MACROD2: variants seen among roughly 807,000 people sequenced by gnomAD.
The protein encoded by MACROD2 is mono-ADP ribosylhydrolase 2.
MACROD2 carries 36 observed loss-of-function variants against 70.4 expected under a neutral mutation model. The observed-to-expected ratio is 0.51, with a 90% CI of 0.39 to 0.68. MACROD2 has a LOEUF of 0.68. Among genes scored for constraint, MACROD2 ranks in the 30% least tolerant of loss-of-function variants. MACROD2 has a pLI of 0.00. For synonymous variants in MACROD2, 172 were observed against 178.8 expected (o/e 0.96, Z 0.30); for missense variants, 496 against 538.4 (o/e 0.92, Z 0.78).
chr20:14,924,924 T>C (rs2074211020), intron 5 of MACROD2, among the ~76,000 whole-genome samples: 3 of 152,152 alleles, frequency 2.0e-5, no homozygotes, highest in Admixed American at 2.0e-4. Flanking sequence ...ACCCTCAGTA[T>C]GTTTTTATTC....
intron 8 of MACROD2, among the ~76,000 whole-genome samples, chr20:15,714,705 T>G (rs2050681595): frequency 6.6e-6 from 1 of 152,178 alleles, no homozygotes; most frequent in South Asian, 2.1e-4. Flanking sequence ...CCATATACTT[T>G]TTAAAAATTT....
At chr20:15,306,500 T>G (rs1283948026) in intron 6 of MACROD2, among the ~76,000 whole-genome samples, 2 of 152,158 alleles carry the variant, frequency 1.3e-5, no homozygotes, top group Non-Finnish European at 2.9e-5. Flanking sequence ...GCCCAAAGTA[T>G]CATAGGTGTT....
intron 7 of MACROD2, among the ~76,000 whole-genome samples, chr20:15,498,341 C>T (rs1290987168): frequency 1.3e-5 from 2 of 152,130 alleles, no homozygotes; most frequent in Non-Finnish European, 2.9e-5. Context: ...ACATATTTGC[C>T]CTCCAATAAA....
chr20:14,121,455 CT>C (rs1282524667), intron 3 of MACROD2, among the ~76,000 whole-genome samples: 4 of 152,248 alleles, frequency 2.6e-5, no homozygotes, highest in African/African-American at 9.6e-5. Flanking sequence ...TTGACATGTA[CT>C]TCATGATATT....
At chr20:15,471,516 A>G (rs757307749) in intron 7 of MACROD2, among the ~76,000 whole-genome samples, 12 of 152,312 alleles carry the variant, frequency 7.9e-5, no homozygotes, top group Middle Eastern at 3.4e-3. Context: ...CTCAAAAAAA[A>G]CTTTATGTTT....
intron 7 of MACROD2, among the ~76,000 whole-genome samples, chr20:15,431,892 T>TA (rs2046367962): frequency 6.6e-6 from 1 of 151,932 alleles, no homozygotes; most frequent in South Asian, 2.1e-4. Context: ...TGACTTTTAC[T>TA]AAATATGAAG....
At chr20:15,529,199 C>T (rs960497018) in intron 8 of MACROD2, among the ~76,000 whole-genome samples, 5 of 152,032 alleles carry the variant, frequency 3.3e-5, no homozygotes, top group Admixed American at 6.6e-5. Flanking sequence ...TTCTTGTTCT[C>T]AGTTTGAGAG....
chr20:14,873,973 G>A (rs2073519584), intron 5 of MACROD2, among the ~76,000 whole-genome samples: 1 of 152,086 alleles, frequency 6.6e-6, no homozygotes, highest in Admixed American at 6.6e-5. Context: ...TTAATTTTGT[G>A]TTCAATTGAG....
intron 8 of MACROD2, among the ~76,000 whole-genome samples, chr20:15,756,564 T>G (rs1304181139): frequency 6.6e-6 from 1 of 152,100 alleles, no homozygotes; most frequent in Non-Finnish European, 1.5e-5. Flanking sequence ...GAAGATTGGT[T>G]AGTAAGAGAA....
intron 5 of MACROD2, among the ~76,000 whole-genome samples, chr20:14,735,036 GA>G (rs1179585000): frequency 2.0e-5 from 3 of 151,410 alleles, no homozygotes; most frequent in South Asian, 2.1e-4. Flanking sequence ...AAAACCCTTA[GA>G]AAAAAAATAG....
intron 3 of MACROD2, 58 bp from the exon 4 acceptor site, chr20:14,493,421 A>C: frequency 7.2e-7 from 1 of 1,394,348 alleles, no homozygotes; most frequent in Non-Finnish European, 1.0e-6. Context: ...TTACTCTGAT[A>C]TACTATATTT....
In MACROD2 at chr20:14,623,022, C is replaced by T. The variant is rs552550479; in HGVS notation, c.302-61821C>T. On this transcript the variant is annotated intron_variant, in intron 4 of 17. Coordinates refer to ENST00000684519, the MANE Select transcript of MACROD2 (RefSeq NM_001351661.2). ...GAAGCTGCCCTCTCCAAGGTAATGC[C>T]TGCCTCCCAGGGGCTAGCTCACATC... is the stretch of plus-strand genomic sequence containing the variant. 2.7e-4 allele frequency: 41 copies of T among 152,434 alleles called. 1 individual carries two copies. Among genetic ancestry groups the T allele is most frequent in the African/African-American group, 8.9e-4 (37 of 41,556 alleles). The allele number at this position is 152,434 out of a possible 1,614,324, so 9.4% of individuals were successfully genotyped here.
At chr20:14,368,603 G>T (rs2083294964) in intron 3 of MACROD2, among the ~76,000 whole-genome samples, 1 of 151,664 alleles carries the variant, frequency 6.6e-6, no homozygotes, top group South Asian at 2.1e-4. Context: ...ATTAAATCTA[G>T]AAATAAGATT....
intron 8 of MACROD2, among the ~76,000 whole-genome samples, chr20:15,555,845 AAAAAAAAAAG>A (rs1428538023): frequency 3.4e-5 from 5 of 147,358 alleles, no homozygotes; most frequent in East Asian, 1.9e-4. Flanking sequence ...AAAAAAAAAA[AAAAAAAAAAG>A]GAAAAGAAAA....
intron 5 of MACROD2, among the ~76,000 whole-genome samples, chr20:14,821,128 A>T (rs2072839494): frequency 6.6e-6 from 1 of 152,096 alleles, no homozygotes; most frequent in Non-Finnish European, 1.5e-5. Flanking sequence ...TTCATATGAA[A>T]TGTATTTGCT....
intron 8 of MACROD2, among the ~76,000 whole-genome samples, chr20:15,520,248 G>A (rs2047634478): frequency 6.6e-6 from 1 of 152,184 alleles, no homozygotes; most frequent in Non-Finnish European, 1.5e-5. Flanking sequence ...ACTGGGAAAG[G>A]ACTAAATAAA....
At chr20:14,307,570 A>C (rs1380066572) in intron 3 of MACROD2, among the ~76,000 whole-genome samples, 1 of 152,094 alleles carries the variant, frequency 6.6e-6, no homozygotes, top group African/African-American at 2.4e-5. Context: ...TTAATAAGTT[A>C]ATGTTTCAGA....
intron 5 of MACROD2, among the ~76,000 whole-genome samples, chr20:14,696,263 C>T (rs1189515064): frequency 6.6e-6 from 1 of 152,066 alleles, no homozygotes; most frequent in East Asian, 1.9e-4. Flanking sequence ...CAACACAAAC[C>T]AAAACACACA....
chr20:14,490,858 A>G (rs1182706241), intron 3 of MACROD2, among the ~76,000 whole-genome samples: 1 of 152,130 alleles, frequency 6.6e-6, no homozygotes, highest in Non-Finnish European at 1.5e-5. Context: ...TTCTTCACAA[A>G]CTTCAGTAAA....
Sources: gnomAD v4.1 joint callset for allele counts (sites outside exome capture counted in the v4.1 genomes callset) on GRCh38, gnomAD v4.1.1 for gene constraint, MANE v1.5 for transcripts, NCBI Gene and HGNC (gene_info 2026-07-23, HGNC 2026-07-21) for gene names.